Variants in CRELD1 observed in about 807,000 individuals in gnomAD.
CRELD1 encodes the protein CRELD disulfide isomerase 1, also known as protein disulfide isomerase CRELD1.
A neutral mutation model predicts 58.2 loss-of-function variants in CRELD1; 42 were observed. That is an observed-to-expected ratio of 0.72 (90% CI 0.56 to 0.93). The LOEUF (loss-of-function observed/expected upper bound fraction) is 0.93, where lower values mean the gene tolerates loss of function less well. Ranked by LOEUF, CRELD1 falls within the 40% of genes least tolerant of loss-of-function variation. The pLI is 0.00. For synonymous variants in CRELD1, 222 were observed against 202.0 expected (o/e 1.10, Z -0.84); for missense variants, 500 against 540.6 (o/e 0.92, Z 0.74).
chr3:9,942,615 T>A (rs1276309888), intron 7 of CRELD1, among the ~76,000 whole-genome samples, 198 bp from the exon 8 acceptor site: 3 of 152,170 alleles, frequency 2.0e-5, no homozygotes, highest in Non-Finnish European at 4.4e-5. Flanking sequence ...AGGGACACAC[T>A]TAGCTTCAAG....
At chr3:9,941,227 G>T in intron 7 of CRELD1, 21 bp downstream of exon 7, 1 of 1,604,620 alleles carries the variant, frequency 6.2e-7, no homozygotes, top group Non-Finnish European at 8.5e-7. Context: ...CCCTAGCTAG[G>T]TCTGGGAAGA....
rs771624039 is a variant in CRELD1 at position 9,944,026 on chromosome 3, A to G, written c.1049-339A>G. On this transcript the variant is annotated intron_variant, in intron 10 of 10. Coordinates refer to ENST00000452070, the MANE Select transcript of CRELD1 (RefSeq NM_001077415.3). ...GAGATGAAGCTACTTTCCCAGGGCT[A>G]TATGGCAAGCAAGTCGCAAAGCTGG... The G allele has an allele frequency of 1.0e-5, 9 of 876,790 alleles. 1 individual carries two copies. The highest frequency in any genetic ancestry group is 7.8e-5 in the South Asian group (6 of 76,556). 54.3% of individuals were successfully genotyped at this position (876,790 alleles called of 1,614,324 possible). A position where few individuals can be genotyped will look rare whatever the true frequency, so the allele number is the denominator to read the frequency against.
intron 1 of CRELD1, 200 bp downstream of exon 1, chr3:9,934,120 C>T: frequency 2.3e-6 from 1 of 440,368 alleles, no homozygotes; most frequent in South Asian, 2.4e-5. Context: ...TTCTGCGGAT[C>T]CGGCCCCTAA....
rs190780353 is a variant in CRELD1, at chr3:9,935,364, C to T, written c.257+447C>T. The stretch of plus-strand genomic sequence containing the variant: ...AAGGTGAAGGCAAAGGCTTAAGCCT[C>T]GAGGGCTACAGAAAAGAGTTTAGAT... On this transcript the variant is annotated intron_variant, in intron 3 of 10. Coordinates refer to ENST00000452070, the MANE Select transcript of CRELD1 (RefSeq NM_001077415.3). Among the ~76,000 whole-genome samples, 285 of 152,132 alleles carry T rather than the reference C, an allele frequency of 1.9e-3. 2 individuals are homozygous for T. Among genetic ancestry groups the T allele is most frequent in the African/African-American group, 6.7e-3 (280 of 41,488 alleles).
At chr3:9,943,875 C>A (rs201333566) in intron 10 of CRELD1, 2 of 1,613,072 alleles carry the variant, frequency 1.2e-6, no homozygotes, top group South Asian at 1.1e-5. Context: ...ATTTCCCCAG[C>A]AATTACTGTG....
intron 7 of CRELD1, among the ~76,000 whole-genome samples, chr3:9,942,060 A>T (rs1371946575): frequency 6.6e-6 from 1 of 152,078 alleles, no homozygotes; most frequent in African/African-American, 2.4e-5. Flanking sequence ...ACCTGAGGTC[A>T]GGAGTTCGAG....
At chr3:9,939,190 G>A (rs958764733) in intron 5 of CRELD1, among the ~76,000 whole-genome samples, 12 of 148,812 alleles carry the variant, frequency 8.1e-5, no homozygotes, top group African/African-American at 2.7e-4. Context: ...TAAATAAAAG[G>A]TCTGTAAAAT....
intron 8 of CRELD1, 58 bp from the exon 9 acceptor site, chr3:9,943,019 C>T (rs1339990982): frequency 2.4e-5 from 37 of 1,569,782 alleles, no homozygotes; most frequent in Middle Eastern, 1.7e-4. Flanking sequence ...GCTTCTGGAG[C>T]GTGGCTCCCC....
intron 3 of CRELD1, among the ~76,000 whole-genome samples, chr3:9,936,662 T>G (rs973225158): frequency 1.3e-5 from 2 of 152,092 alleles, no homozygotes; most frequent in African/African-American, 4.8e-5. Context: ...ACTATGTAGT[T>G]CCAGAACATT....
Position 9,934,458 on chromosome 3 carries a change from A to G in CRELD1, c.20A>G (p.Lys7Arg), listed in dbSNP as rs2085104898. The G allele has an allele frequency of 1.2e-6, 2 of 1,613,812 alleles. No homozygotes were observed. Among genetic ancestry groups the G allele is most frequent in the East Asian group, 2.2e-5 (1 of 44,874 alleles). ...GTAAAGATGGCCCCATGGCCCCCGA[A>G]GGGCCTAGTCCCAGCTATGCTCTGG... Reference protein sequence around the residue: MAPWPPKGLVPAMLWGL... With the variant: MAPWPPRGLVPAMLWGL... Residue 7 changes from lysine (K) to arginine (R), a missense_variant, in exon 2 of 11, where the codon AAG becomes AGG. By Grantham distance (26) the Lys-to-Arg change is conservative. Coordinates refer to ENST00000452070, the MANE Select transcript of CRELD1 (RefSeq NM_001077415.3).
At position 9,945,018 on chromosome 3, in the gene CRELD1, C is replaced by T. The variant is rs561120752; in HGVS notation, c.*439C>T. On this transcript the variant is annotated 3_prime_UTR_variant, in exon 11 of 11. Coordinates refer to ENST00000452070, the MANE Select transcript of CRELD1 (RefSeq NM_001077415.3). ...TTCATCTCAGGAAATAAAGAAAGGT[C>T]TTGGAAAGTTAAAAGGCATCAGTCT... 93 of 246,556 alleles carry T rather than the reference C, an allele frequency of 3.8e-4. No homozygotes were observed. The highest frequency in any genetic ancestry group is 6.6e-4 in the Non-Finnish European group (82 of 123,358). The allele number at this position is 246,556 out of a possible 1,614,324, so 15.3% of individuals were successfully genotyped here. A position where few individuals can be genotyped will look rare whatever the true frequency, so the allele number is the denominator to read the frequency against.
chr3:9,940,441 G>A (rs1039542390), intron 5 of CRELD1, among the ~76,000 whole-genome samples: 38 of 152,190 alleles, frequency 2.5e-4, no homozygotes, highest in Admixed American at 1.2e-3. Flanking sequence ...CGAGGCTGGC[G>A]GATCACTCGC....
rs1292677138 is a variant in CRELD1 at position 9,944,909 on chromosome 3, A to G, written c.*330A>G. On this transcript the variant is annotated 3_prime_UTR_variant, in exon 11 of 11. Transcript: ENST00000452070. ...AGGTGGTCCTCACAGGGGTGGGGCC[A>G]TCACAGCTCCCTCCTGCCAGCTGCA... is the stretch of plus-strand genomic sequence containing the variant. 4 of 394,746 alleles carry G rather than the reference A, an allele frequency of 1.0e-5. No individual in the cohort carries two copies. The highest frequency in any genetic ancestry group is 9.6e-6 in the Non-Finnish European group (2 of 207,316). 24.5% of individuals were successfully genotyped at this position (394,746 alleles called of 1,614,324 possible).
chr3:9,943,514 A>G lies in CRELD1; in HGVS notation c.1047A>G (p.Pro349=). ...MEGICVKEQI[P]ESAGFFSEMT... is the part of the protein sequence containing the mutation. ...GCATCTGTGTGAAGGAGCAGATCCCAGGTGAGCCCTGGGGCGGGAGAGGGG... is the reference window on the plus strand; with the variant it reads ...GCATCTGTGTGAAGGAGCAGATCCCGGGTGAGCCCTGGGGCGGGAGAGGGG... Residue 349 remains proline (P), a splice_region_variant and synonymous_variant, in exon 10 of 11, where the codon CCA becomes CCG. Transcript: ENST00000452070. 6.2e-7 allele frequency: 1 copy of G among 1,614,074 alleles called. No homozygotes were observed. Among genetic ancestry groups the G allele is most frequent in the South Asian group, 1.1e-5 (1 of 91,088 alleles).
chr3:9,942,596 C>G (rs920204501), intron 7 of CRELD1, among the ~76,000 whole-genome samples: 18 of 152,178 alleles, frequency 1.2e-4, no homozygotes, highest in African/African-American at 4.1e-4. Context: ...TTGGCCAGAA[C>G]TCAATCACAG....
chr3:9,934,672 G>A, intron 2 of CRELD1, 60 bp downstream of exon 2: 1 of 1,584,594 alleles, frequency 6.3e-7, no homozygotes, highest in Non-Finnish European at 8.7e-7. Flanking sequence ...GGGAACTCTG[G>A]GATGCAAATC....
At chr3:9,937,704 G>A (rs2085234787) in intron 4 of CRELD1, 32 bp downstream of exon 4, 1 of 1,478,182 alleles carries the variant, frequency 6.8e-7, no homozygotes, top group East Asian at 2.3e-5. Flanking sequence ...CTGGAAGTGG[G>A]TCACAGGTGA....
intron 3 of CRELD1, chr3:9,935,227 G>A: frequency 2.9e-6 from 1 of 350,562 alleles, no homozygotes; most frequent in Non-Finnish European, 5.4e-6. Flanking sequence ...CAGAGAGACA[G>A]GAAGTGAAGA....
Position 9,944,501 on chromosome 3 carries a change from G to T in CRELD1, c.1185G>T (p.Gly395=). ...TGGTGTTCACCGCCATCTTCATTGG[G>T]GCTGTGGCGGCCATGACTGGCTACT... is the stretch of plus-strand genomic sequence containing the variant. The part of the protein sequence containing the change: ...GDLVFTAIFI[G]AVAAMTGYWL... Residue 395 remains glycine (G), a synonymous_variant, in exon 11 of 11, where the codon GGG becomes GGT. Coordinates refer to ENST00000452070, the MANE Select transcript of CRELD1 (RefSeq NM_001077415.3). The T allele has an allele frequency of 6.2e-7, 1 of 1,612,882 alleles. No individual in the cohort carries two copies. The highest frequency in any genetic ancestry group is 8.5e-7 in the Non-Finnish European group (1 of 1,180,024).
Sources: allele counts gnomAD v4.1 joint callset (sites outside exome capture counted in the v4.1 genomes callset), GRCh38; gene constraint gnomAD v4.1.1; transcripts MANE v1.5; gene names NCBI Gene and HGNC (gene_info 2026-07-23, HGNC 2026-07-21).